Variants in CELF4 observed in about 807,000 individuals in gnomAD.
The protein encoded by CELF4 is CUGBP Elav-like family member 4, also known as CUG-BP- and ETR-3-like factor 4.
CELF4 carries 18 observed loss-of-function variants against 59.9 expected under a neutral mutation model. The observed-to-expected ratio is 0.30, with a 90% CI of 0.21 to 0.45. The LOEUF is 0.45. Among genes scored for constraint, CELF4 ranks in the 20% least tolerant of loss-of-function variants. The probability of loss-of-function intolerance (pLI) is 1.00; values close to 1 mark genes in which losing one functional copy is unlikely to be tolerated. For synonymous variants in CELF4, 261 were observed against 267.1 expected, an observed-to-expected ratio of 0.98 and a Z score of 0.22; for missense variants, 456 against 689.0, an observed-to-expected ratio of 0.66 and a Z score of 3.79.
chr18:37,516,961 C>T lies in CELF4; in HGVS notation c.287-31354G>A, dbSNP rs149071427. Among the ~76,000 whole-genome samples, 4 of 152,358 alleles carry T rather than the reference C, an allele frequency of 2.6e-5. No homozygotes were observed. In the East Asian group the frequency reaches 7.7e-4, roughly 29 times the overall value. ...ACATGGCCTGTGTTCTCTCTCTCTG[C>T]AGACTGGGAAGCCCTGAGAGGCTGC... is the stretch of plus-strand genomic sequence containing the variant. On this transcript the variant is annotated intron_variant, in intron 1 of 12. Coordinates refer to ENST00000420428, the MANE Select transcript of CELF4 (RefSeq NM_020180.4).
chr18:37,516,104 T>A (rs1569569721), intron 1 of CELF4, among the ~76,000 whole-genome samples: 2 of 152,204 alleles, frequency 1.3e-5, no homozygotes, highest in Non-Finnish European at 2.9e-5. Context: ...TTAGACCTTT[T>A]CAGTCTCAGA....
intron 3 of CELF4, among the ~76,000 whole-genome samples, chr18:37,315,389 C>T (rs1302519675): frequency 3.3e-5 from 5 of 152,128 alleles, no homozygotes; most frequent in African/African-American, 7.2e-5. Flanking sequence ...ACTCTCCTCC[C>T]AACTCTTCAT....
At chr18:37,492,437 A>G (rs2099909062) in intron 1 of CELF4, among the ~76,000 whole-genome samples, 3 of 152,074 alleles carry the variant, frequency 2.0e-5, no homozygotes, top group Admixed American at 2.0e-4. Flanking sequence ...CTGGGAGTGG[A>G]TCGCAAGAGG....
chr18:37,265,594 T>A (rs1170898645), intron 9 of CELF4, among the ~76,000 whole-genome samples: 1 of 152,020 alleles, frequency 6.6e-6, no homozygotes. Flanking sequence ...GAGGACTGAG[T>A]TGGATAAACC....
intron 2 of CELF4, among the ~76,000 whole-genome samples, chr18:37,405,585 C>T (rs909861667): frequency 2.0e-5 from 3 of 152,260 alleles, no homozygotes; most frequent in Non-Finnish European, 4.4e-5. Context: ...TTCCAAAATG[C>T]AGGGGAAGCC....
At chr18:37,395,356 G>T (rs568706206) in intron 2 of CELF4, among the ~76,000 whole-genome samples, 1 of 152,248 alleles carries the variant, frequency 6.6e-6, no homozygotes, top group African/African-American at 2.4e-5. Context: ...GTGTGTTAAA[G>T]GCCAGACACG....
chr18:37,512,080 C>G (rs1327349797), intron 1 of CELF4, among the ~76,000 whole-genome samples: 1 of 152,196 alleles, frequency 6.6e-6, no homozygotes, highest in African/African-American at 2.4e-5. Context: ...AAGCAGCAGT[C>G]TGGGGCCCAG....
chr18:37,325,012 G>C (rs1052941145), intron 2 of CELF4, among the ~76,000 whole-genome samples: 12 of 152,174 alleles, frequency 7.9e-5, no homozygotes, highest in Non-Finnish European at 7.3e-5. Context: ...TCCAAGCAGA[G>C]GCCAGGAGTG....
chr18:37,492,555 G>A (rs1196485074), intron 1 of CELF4, among the ~76,000 whole-genome samples: 2 of 152,178 alleles, frequency 1.3e-5, no homozygotes, highest in Non-Finnish European at 2.9e-5. Flanking sequence ...GGTGGGCAAA[G>A]ACAGTCTTCC....
intron 1 of CELF4, among the ~76,000 whole-genome samples, chr18:37,493,857 A>G (rs560715118): frequency 1.3e-5 from 2 of 152,352 alleles, no homozygotes; most frequent in African/African-American, 4.8e-5. Context: ...CCAGAGAAGA[A>G]CATGGCCCAT....
intron 10 of CELF4, among the ~76,000 whole-genome samples, chr18:37,263,546 C>A (rs1408463539): frequency 6.6e-6 from 1 of 152,012 alleles, no homozygotes; most frequent in Non-Finnish European, 1.5e-5. Context: ...TAGTGTCCTG[C>A]CCCCTCAAGC....
At chr18:37,483,465 T>G (rs2099874528) in intron 2 of CELF4, among the ~76,000 whole-genome samples, 2 of 152,186 alleles carry the variant, frequency 1.3e-5, no homozygotes, top group African/African-American at 4.8e-5. Context: ...TCGAGGGGAC[T>G]CTAGGCTATG....
chr18:37,326,664 A>T (rs996716663), intron 2 of CELF4, among the ~76,000 whole-genome samples: 11 of 152,154 alleles, frequency 7.2e-5, no homozygotes, highest in African/African-American at 2.7e-4. Flanking sequence ...CTCCGGGGAC[A>T]TCACAAACCC....
At chr18:37,520,711 G>C (rs192832691) in intron 1 of CELF4, among the ~76,000 whole-genome samples, 45 of 152,254 alleles carry the variant, frequency 3.0e-4, no homozygotes, top group African/African-American at 1.1e-3. Context: ...AGAGCACTCA[G>C]ATCCCAAGAC....
At chr18:37,549,937 A>C (rs752876776) in intron 1 of CELF4, among the ~76,000 whole-genome samples, 2 of 152,204 alleles carry the variant, frequency 1.3e-5, no homozygotes, top group Non-Finnish European at 2.9e-5. Flanking sequence ...AGAAAAGTAG[A>C]ATCAAAATCA....
intron 2 of CELF4, among the ~76,000 whole-genome samples, chr18:37,381,315 G>A (rs78492102): frequency 1.3e-5 from 2 of 152,316 alleles, no homozygotes; most frequent in South Asian, 4.1e-4. Context: ...AATCAGACAA[G>A]GCTTCCTGTA....
chr18:37,316,473 T>G (rs1008704395), intron 3 of CELF4, among the ~76,000 whole-genome samples: 47 of 152,114 alleles, frequency 3.1e-4, no homozygotes, highest in Admixed American at 2.7e-3. Flanking sequence ...GCAGGGGCCC[T>G]CTCTCTTCTC....
chr18:37,337,085 G>T (rs2097795108), intron 2 of CELF4, among the ~76,000 whole-genome samples: 3 of 152,098 alleles, frequency 2.0e-5, no homozygotes, highest in Admixed American at 6.5e-5. Flanking sequence ...CATCCTTTCT[G>T]CTCGGGCAGC....
chr18:37,347,635 A>G (rs548635833), intron 2 of CELF4, among the ~76,000 whole-genome samples: 1 of 152,164 alleles, frequency 6.6e-6, no homozygotes, highest in Admixed American at 6.5e-5. Context: ...TCTCCTGAGC[A>G]CATGTCTGCG....
Sources: gnomAD v4.1 joint callset for allele counts (sites outside exome capture counted in the v4.1 genomes callset) on GRCh38, gnomAD v4.1.1 for gene constraint, MANE v1.5 for transcripts, NCBI Gene and HGNC (gene_info 2026-07-23, HGNC 2026-07-21) for gene names.